FOXJ3: variants seen among roughly 807,000 people sequenced by gnomAD.
FOXJ3 encodes the protein forkhead box J3, also known as forkhead box protein J3.
Under a neutral mutation model 76.1 loss-of-function variants are expected in FOXJ3, and 22 were observed. The ratio of observed to expected loss-of-function variants is 0.29; its 90% CI spans 0.21 to 0.41. The LOEUF is 0.41. Among genes scored for constraint, FOXJ3 ranks in the 10% least tolerant of loss-of-function variants. The pLI, the probability that FOXJ3 is intolerant of heterozygous loss-of-function variation, is 1.00. For missense variants in FOXJ3, 613 were observed against 762.1 expected (o/e 0.80, Z 2.30); for synonymous variants, 269 against 261.2 (o/e 1.03, Z -0.29).
intron 5 of FOXJ3, among the ~76,000 whole-genome samples, chr1:42,208,940 T>C (rs1234372916): frequency 1.3e-5 from 2 of 152,218 alleles, no homozygotes; most frequent in Non-Finnish European, 2.9e-5. Context: ...TATTGAATAC[T>C]ATATTGAAGG....
rs1168120638 is a variant in FOXJ3, at chr1:42,251,706, A to ATTTTTTTT, written c.444+13401_444+13408dup. Among the ~76,000 whole-genome samples the ATTTTTTTT allele has an allele frequency of 1.5e-4, 13 of 87,570 alleles. 1 individual carries two copies. Among genetic ancestry groups the ATTTTTTTT allele is most frequent in the African/African-American group, 5.4e-4 (11 of 20,416 alleles). 57.4% of individuals were successfully genotyped at this position (87,570 alleles called of 152,430 possible). A position where few individuals can be genotyped will look rare whatever the true frequency, so the allele number is the denominator to read the frequency against. On this transcript the variant is annotated intron_variant, in intron 4 of 12. Transcript: ENST00000361346. ...GTGCTGCTGGATTCGGTTTGCCAGTATTTTTTTTTTTTTTTTTTTTTTTTT... is the reference window on the plus strand; with the variant it reads ...GTGCTGCTGGATTCGGTTTGCCAGTATTTTTTTTTTTTTTTTTTTTTTTTTTTTTTTTT...
At chr1:42,266,921 C>A (rs906390877) in intron 3 of FOXJ3, among the ~76,000 whole-genome samples, 3 of 152,054 alleles carry the variant, frequency 2.0e-5, no homozygotes, top group Admixed American at 6.6e-5. Context: ...AAACCCTTAC[C>A]CAGTACATAG....
intron 4 of FOXJ3, among the ~76,000 whole-genome samples, chr1:42,256,823 T>C (rs76243440): frequency 0.037 from 5,629 of 152,316 alleles, 126 homozygotes; most frequent in Middle Eastern, 0.092. Context: ...CCTGAAGTGT[T>C]TGTCAACAAA....
chr1:42,305,133 T>C (rs905542211), intron 2 of FOXJ3, among the ~76,000 whole-genome samples: 1 of 152,140 alleles, frequency 6.6e-6, no homozygotes. Flanking sequence ...AACAGGTGTA[T>C]GAAAAAGTGC....
intron 4 of FOXJ3, among the ~76,000 whole-genome samples, chr1:42,244,907 C>T (rs1401658297): frequency 6.6e-6 from 1 of 152,074 alleles, no homozygotes; most frequent in South Asian, 2.1e-4. Context: ...CTTGGCCAGG[C>T]GCGGTGGCTC....
intron 5 of FOXJ3, among the ~76,000 whole-genome samples, chr1:42,208,027 C>T (rs1484020474): frequency 1.3e-5 from 2 of 152,170 alleles, no homozygotes; most frequent in Non-Finnish European, 2.9e-5. Flanking sequence ...CTCATTCTTC[C>T]CTTCTGGTAG....
chr1:42,262,956 A>G (rs1651168599), intron 4 of FOXJ3, among the ~76,000 whole-genome samples: 1 of 152,262 alleles, frequency 6.6e-6, no homozygotes, highest in Non-Finnish European at 1.5e-5. Flanking sequence ...TATGATATTT[A>G]CTTATTATGA....
chr1:42,245,923 TC>T (rs965415437), intron 4 of FOXJ3, among the ~76,000 whole-genome samples: 1 of 151,372 alleles, frequency 6.6e-6, no homozygotes, highest in African/African-American at 2.4e-5. Context: ...TCCTAAAGAC[TC>T]CCCCAAAAAA....
At chr1:42,284,128 G>C (rs1652902934) in intron 2 of FOXJ3, among the ~76,000 whole-genome samples, 1 of 152,152 alleles carries the variant, frequency 6.6e-6, no homozygotes, top group Non-Finnish European at 1.5e-5. Context: ...GACTATAAAA[G>C]AGTCTCTATT....
chr1:42,308,423 G>A (rs940607639), intron 2 of FOXJ3, among the ~76,000 whole-genome samples: 3 of 151,996 alleles, frequency 2.0e-5, no homozygotes, highest in East Asian at 1.9e-4. Flanking sequence ...TCCCTTCTTC[G>A]TCTCAAAACA....
At chr1:42,279,189 A>T (rs1652513145) in intron 2 of FOXJ3, among the ~76,000 whole-genome samples, 1 of 152,238 alleles carries the variant, frequency 6.6e-6, no homozygotes, top group South Asian at 2.1e-4. Context: ...TGCATGAAGG[A>T]AAGAAGGTAG....
intron 3 of FOXJ3, among the ~76,000 whole-genome samples, chr1:42,276,724 C>T (rs191131647): frequency 7.2e-5 from 11 of 152,236 alleles, no homozygotes; most frequent in Non-Finnish European, 8.8e-5. Context: ...AAATAGTAAA[C>T]TTTACAATGA....
intron 8 of FOXJ3, among the ~76,000 whole-genome samples, chr1:42,194,089 T>C (rs1400233667): frequency 6.6e-6 from 1 of 152,214 alleles, no homozygotes; most frequent in Non-Finnish European, 1.5e-5. Flanking sequence ...CTGTTGTTTA[T>C]AAATTACCCA....
At chr1:42,272,785 G>A (rs555737164) in intron 3 of FOXJ3, among the ~76,000 whole-genome samples, 36 of 152,276 alleles carry the variant, frequency 2.4e-4, no homozygotes, top group African/African-American at 6.7e-4. Flanking sequence ...AACAATACTC[G>A]AACTTTATAT....
intron 2 of FOXJ3, among the ~76,000 whole-genome samples, chr1:42,291,099 C>T (rs375553173): frequency 1.7e-4 from 25 of 149,066 alleles, no homozygotes; most frequent in East Asian, 5.9e-4. Flanking sequence ...GACAGACAGA[C>T]AGATAGATCC....
intron 1 of FOXJ3, among the ~76,000 whole-genome samples, chr1:42,325,129 T>A (rs1282656027): frequency 4.6e-5 from 7 of 151,800 alleles, no homozygotes; most frequent in Admixed American, 3.9e-4. Flanking sequence ...AGGATAAGAG[T>A]CAAAAAGACA....
chr1:42,311,265 A>G (rs1654791212), intron 1 of FOXJ3, among the ~76,000 whole-genome samples, 155 bp from the exon 2 acceptor site: 1 of 152,246 alleles, frequency 6.6e-6, no homozygotes, highest in Non-Finnish European at 1.5e-5. Flanking sequence ...ACACAAACTT[A>G]CATGAAAGAA....
chr1:42,229,928 A>T (rs1443881962), intron 4 of FOXJ3, among the ~76,000 whole-genome samples: 1 of 152,354 alleles, frequency 6.6e-6, no homozygotes, highest in South Asian at 2.1e-4. Context: ...ATGGGTGTGT[A>T]TATGTGTATT....
chr1:42,325,994 C>T (rs552245333), intron 1 of FOXJ3, among the ~76,000 whole-genome samples: 4 of 152,324 alleles, frequency 2.6e-5, no homozygotes, highest in South Asian at 2.1e-4. Flanking sequence ...GGCACTGTGG[C>T]TTACACCTGT....
Sources: allele counts gnomAD v4.1 joint callset (sites outside exome capture counted in the v4.1 genomes callset), GRCh38; gene constraint gnomAD v4.1.1; transcripts MANE v1.5; gene names NCBI Gene and HGNC (gene_info 2026-07-23, HGNC 2026-07-21).